The following FAM153A variants were observed in gnomAD, a reference collection of about 807,000 sequenced individuals.
FAM153A encodes protein FAM153A.
Under a neutral mutation model 48.1 loss-of-function variants are expected in FAM153A, and 12 were observed. That is an observed-to-expected ratio of 0.25 (90% CI 0.16 to 0.40). The LOEUF (loss-of-function observed/expected upper bound fraction) is 0.40. Ranked by LOEUF, FAM153A falls within the 10% of genes least tolerant of loss-of-function variation. The pLI, the probability that FAM153A is intolerant of heterozygous loss-of-function variation, is 1.00. For synonymous variants in FAM153A, 36 were observed against 118.2 expected (o/e 0.30, Z 4.51); for missense variants, 111 against 345.8 (o/e 0.32, Z 5.38).
chr5:177,759,835 G>C (rs933399421), intron 1 of FAM153A, among the ~76,000 whole-genome samples: 1 of 151,758 alleles, frequency 6.6e-6, no homozygotes, highest in African/African-American at 2.4e-5. Context: ...GATAGCATTA[G>C]GAGATATACT....
downstream of FAM153A, chr5:177,723,300 G>A (rs1347908690): frequency 3.4e-5 from 4 of 118,544 alleles, no homozygotes; most frequent in African/African-American, 1.1e-4. Flanking sequence ...GGTTACAGAA[G>A]ACATACATTT....
intron 6 of FAM153A, 75 bp from the exon 9 acceptor site, chr5:177,741,407 A>G: frequency 1.3e-6 from 1 of 741,476 alleles, no homozygotes; most frequent in Non-Finnish European, 1.9e-6. Flanking sequence ...TGTGCTAAAA[A>G]CACGGGGCTG....
the FAM153A span, among the ~76,000 whole-genome samples, chr5:177,695,803 G>T: frequency 6.6e-6 from 1 of 151,692 alleles, no homozygotes; most frequent in African/African-American, 2.4e-5. Context: ...CCCAGATGGG[G>T]CGGCCGGGCA....
chr5:177,754,986 AG>A (rs1230745384), upstream of FAM153A, among the ~76,000 whole-genome samples: 1 of 151,976 alleles, frequency 6.6e-6, no homozygotes, highest in Non-Finnish European at 1.5e-5. Flanking sequence ...AGCTGGATGG[AG>A]GATGACTTTG....
At chr5:177,753,835 A>T (rs1484204892), upstream of FAM153A, among the ~76,000 whole-genome samples, 1 of 151,856 alleles carries the variant, frequency 6.6e-6, no homozygotes, top group Non-Finnish European at 1.5e-5. Context: ...AATGAGGCAC[A>T]AAAACTGCAT....
intron 4 of FAM153A, among the ~76,000 whole-genome samples, chr5:177,745,875 A>C (rs1234644641): frequency 1.3e-5 from 2 of 150,114 alleles, no homozygotes; most frequent in African/African-American, 5.0e-5. Context: ...TAATGATCAC[A>C]CTAAAGCCCA....
At chr5:177,708,539 T>C (rs1561847496), downstream of FAM153A, among the ~76,000 whole-genome samples, 1 of 151,682 alleles carries the variant, frequency 6.6e-6, no homozygotes, top group African/African-American at 2.4e-5. Flanking sequence ...ATCGTGCCAT[T>C]GCACTCCAGC....
At chr5:177,716,219 T>A (rs1177616877) in intron 25 of FAM153A, 1 of 151,790 alleles carries the variant, frequency 6.6e-6, no homozygotes, top group Admixed American at 6.6e-5. Flanking sequence ...CTTGACCTCA[T>A]GATCCACCCA....
chr5:177,781,264 A>ATTTTTTTTTTTTT (rs1303137176), upstream of FAM153A, among the ~76,000 whole-genome samples: 174 of 75,260 alleles, frequency 2.3e-3, no homozygotes, highest in Middle Eastern at 7.7e-3. Context: ...ACGCCCGGCT[A>ATTTTTTTTTTTTT]TTTTTTTTTT....
intron 1 of FAM153A, among the ~76,000 whole-genome samples, chr5:177,752,618 C>CAAAAAAAAAA (rs71274705): frequency 6.1e-4 from 19 of 31,014 alleles, no homozygotes; most frequent in South Asian, 1.6e-3. Context: ...GAGACTCTGC[C>CAAAAAAAAAA]AAAAAAAAAA....
At position 177,729,477 on chromosome 5, in the gene FAM153A, G is replaced by A. The variant is rs1328955112; in HGVS notation, c.933+8C>T. 7 of 1,605,134 alleles carry A rather than the reference G, an allele frequency of 4.4e-6. No individual in the cohort carries two copies. The highest frequency in any genetic ancestry group is 2.8e-5 in the African/African-American group (2 of 72,014). On this transcript the variant is annotated splice_region_variant and intron_variant, in intron 17 of 20. Coordinates refer to ENST00000614127, the Ensembl canonical transcript of FAM153A. The stretch of plus-strand genomic sequence containing the variant: ...ATTTCCTTTTCAGAGGAAAGAAGAC[G>A]ACTTTACCATGTGAACCCCTGTGGC...
At chr5:177,709,652 C>T (rs187853543), downstream of FAM153A, among the ~76,000 whole-genome samples, 11,952 of 139,674 alleles carry the variant, frequency 0.086, 576 homozygotes, top group Non-Finnish European at 0.091. Flanking sequence ...TCAGCCACTG[C>T]GCCCGGCTGG....
At chr5:177,708,529 A>T (rs1204443368), downstream of FAM153A, among the ~76,000 whole-genome samples, 1 of 151,768 alleles carries the variant, frequency 6.6e-6, no homozygotes, top group Non-Finnish European at 1.5e-5. Flanking sequence ...GTGAGCAGAG[A>T]TCGTGCCATT....
chr5:177,709,121 AAAAAAAAAAAAGAAAG>A (rs1758135397), downstream of FAM153A, among the ~76,000 whole-genome samples: 1 of 144,478 alleles, frequency 6.9e-6, no homozygotes, highest in African/African-American at 2.7e-5. Context: ...AAAAAAAAAA[AAAAAAAAAAAAGAAAG>A]AAAAGCCTAG....
chr5:177,700,652 A>G, the FAM153A span, among the ~76,000 whole-genome samples: 219 of 151,846 alleles, frequency 1.4e-3, 5 homozygotes, highest in African/African-American at 5.2e-3. Flanking sequence ...AAATATAAAC[A>G]TTAGCTGGGC....
downstream of FAM153A, chr5:177,708,147 G>A (rs182207782): frequency 4.5e-3 from 689 of 153,750 alleles, 19 homozygotes; most frequent in African/African-American, 0.016. Flanking sequence ...GTACCAAAAA[G>A]CATTGATGAA....
At chr5:177,753,100 G>T (rs1248721573) in intron 1 of FAM153A, 1 of 1,096,828 alleles carries the variant, frequency 9.1e-7, no homozygotes, top group African/African-American at 1.7e-5. Flanking sequence ...AAAAAAATCA[G>T]AATGACATTT....
upstream of FAM153A, among the ~76,000 whole-genome samples, chr5:177,756,593 A>T (rs1285157977): frequency 6.6e-6 from 1 of 150,874 alleles, no homozygotes; most frequent in African/African-American, 2.5e-5. Flanking sequence ...GAAGTAAAGC[A>T]CTCCTCAGCA....
upstream of FAM153A, among the ~76,000 whole-genome samples, chr5:177,754,811 G>A (rs1767527910): frequency 6.6e-6 from 1 of 151,810 alleles, no homozygotes; most frequent in Non-Finnish European, 1.5e-5. Flanking sequence ...AACAGAGAAA[G>A]GACATCCACA....
Sources: gnomAD v4.1 joint callset for allele counts (sites outside exome capture counted in the v4.1 genomes callset) on GRCh38, gnomAD v4.1.1 for gene constraint, MANE v1.5 for transcripts, NCBI Gene and HGNC (gene_info 2026-07-23, HGNC 2026-07-21) for gene names.